LRP2: variants seen among roughly 807,000 people sequenced by gnomAD.
LRP2 encodes the protein LDL receptor related protein 2.
A neutral mutation model predicts 531.0 loss-of-function variants in LRP2; 172 were observed. That is an observed-to-expected ratio of 0.32 (90% CI 0.29 to 0.37). The LOEUF (loss-of-function observed/expected upper bound fraction) is 0.37. Ranked by LOEUF, LRP2 falls within the 10% of genes least tolerant of loss-of-function variation. The probability of loss-of-function intolerance (pLI) is 1.00; values close to 1 mark genes in which losing one functional copy is unlikely to be tolerated. For synonymous variants in LRP2, 1,992 were observed against 2,027.6 expected (o/e 0.98, Z 0.47); for missense variants, 5,167 against 5,868.3 (o/e 0.88, Z 3.90).
intron 10 of LRP2, among the ~76,000 whole-genome samples, chr2:169,282,308 C>T (rs1323931813): frequency 6.6e-6 from 1 of 152,150 alleles, no homozygotes; most frequent in African/African-American, 2.4e-5. Flanking sequence ...CTTTGGAGCC[C>T]TCATCTATTT....
At chr2:169,192,879 G>A (rs1218323069) in intron 47 of LRP2, among the ~76,000 whole-genome samples, 1 of 152,174 alleles carries the variant, frequency 6.6e-6, no homozygotes, top group Non-Finnish European at 1.5e-5. Flanking sequence ...CACCACCAAA[G>A]TCACAACACA....
chr2:169,128,589 A>T lies in LRP2; in HGVS notation c.*74T>A. The T allele has an allele frequency of 6.8e-7, 1 of 1,460,598 alleles. No homozygotes were observed. The allele number at this position is 1,460,598 out of a possible 1,614,324, so 90.5% of individuals were successfully genotyped here. On this transcript the variant is annotated 3_prime_UTR_variant, in exon 79 of 79. Transcript: ENST00000649046. ...TTTTTTCATAAAGTACTGAATGTTA[A>T]CTTTTTTCATCTGTTTGTAAAAAAT... is the stretch of plus-strand genomic sequence containing the variant.
intron 4 of LRP2, among the ~76,000 whole-genome samples, chr2:169,296,145 A>G (rs1207689261): frequency 6.6e-6 from 1 of 152,056 alleles, no homozygotes; most frequent in Non-Finnish European, 1.5e-5. Flanking sequence ...CTCTCCAATG[A>G]TCTTTTTTTT....
In LRP2 at chr2:169,140,517, G is replaced by C. The variant is rs140160600; in HGVS notation, c.13137C>G (p.Pro4379=). The change falls in exon 72 of 79, where the codon CCC becomes CCG. Residue 4379 remains proline, a synonymous_variant. Coordinates refer to ENST00000649046, the MANE Select transcript of LRP2 (RefSeq NM_004525.3). ...AAIELPINLP[P]PCRCMHGGNC... ...TTCCTCCGTGCATGCACCTGCATGG[G>C]GGGGGCAGGTTGATAGGCAGTTCGA... 2.4e-5 allele frequency: 39 copies of C among 1,613,808 alleles called. No individual in the cohort carries two copies. The highest frequency in any genetic ancestry group is 1.8e-4 in the Admixed American group (11 of 60,006).
chr2:169,352,190 A>G (rs918330967), intron 1 of LRP2, among the ~76,000 whole-genome samples: 5 of 152,186 alleles, frequency 3.3e-5, no homozygotes, highest in African/African-American at 9.6e-5. Context: ...AATGAATCCA[A>G]CGTTCTTAGG....
intron 4 of LRP2, among the ~76,000 whole-genome samples, chr2:169,298,796 G>A (rs1427804797): frequency 6.6e-6 from 1 of 151,598 alleles, no homozygotes; most frequent in African/African-American, 2.4e-5. Flanking sequence ...GGAGTACCAG[G>A]ACAAACAGGA....
Position 169,246,950 on chromosome 2 carries a change from C to T in LRP2, c.2945G>A (p.Gly982Asp). The T allele has an allele frequency of 5.0e-6, 8 of 1,614,174 alleles. No homozygotes were observed. The highest frequency in any genetic ancestry group is 6.8e-6 in the Non-Finnish European group (8 of 1,180,028). The change falls in exon 21 of 79, where the codon GGT (glycine) becomes GAT (aspartate). Residue 982 changes from glycine (G) to aspartate (D), a missense_variant. By Grantham distance (94) the Gly-to-Asp change is moderately conservative. Coordinates refer to ENST00000649046, the MANE Select transcript of LRP2 (RefSeq NM_004525.3). ...NACNQPTHPN[G>D]DCSHFCFPVP... Reference sequence around the variant, plus strand: ...CGGGAAGCAGAAGTGGCTGCAGTCACCGTTAGGATGCGTGGGTTGATTACA... The same window carrying T: ...CGGGAAGCAGAAGTGGCTGCAGTCATCGTTAGGATGCGTGGGTTGATTACA...
chr2:169,246,622 A>G (rs903807742), intron 21 of LRP2, 83 bp downstream of exon 21: 2 of 1,496,618 alleles, frequency 1.3e-6, no homozygotes, highest in African/African-American at 2.8e-5. Context: ...CCATATAAAT[A>G]GCCCAAGCTT....
intron 35 of LRP2, among the ~76,000 whole-genome samples, chr2:169,214,868 G>A (rs1688721472): frequency 2.6e-5 from 4 of 152,220 alleles, no homozygotes; most frequent in Admixed American, 2.6e-4. Flanking sequence ...AGGTTGCTCA[G>A]AATGGTGGAG....
intron 26 of LRP2, 54 bp downstream of exon 26, chr2:169,239,473 A>T: frequency 6.2e-7 from 1 of 1,613,528 alleles, no homozygotes; most frequent in Non-Finnish European, 8.5e-7. Context: ...GTGCCATTTG[A>T]TTTTAAGCTC....
rs755245156 is a variant in LRP2, at chr2:169,128,748, C to G, written c.13883G>C (p.Arg4628Thr). Residue 4628 changes from arginine (R) to threonine (T), a missense_variant, in exon 79 of 79, where the codon AGA becomes ACA. Transcript: ENST00000649046. The stretch of plus-strand genomic sequence containing the variant: ...AGAATAGGTTGGAGTTGGGTCTCTT[C>G]TCGAAGGAGGCTTAGGCTTAGCAGG... ...SLPAKPKPPS[R>T]RDPTPTYSAT... 2 of 1,614,098 alleles carry G rather than the reference C, an allele frequency of 1.2e-6. No homozygotes were observed. The highest frequency in any genetic ancestry group is 2.2e-5 in the South Asian group (2 of 91,084).
chr2:169,145,625 C>T (rs913772638), intron 70 of LRP2, 122 bp downstream of exon 70: 1 of 930,660 alleles, frequency 1.1e-6, no homozygotes, highest in South Asian at 1.3e-5. Flanking sequence ...CACATATACC[C>T]CTTTCATGCA....
At chr2:169,262,789 T>C (rs1690621082) in intron 16 of LRP2, among the ~76,000 whole-genome samples, 2 of 151,642 alleles carry the variant, frequency 1.3e-5, no homozygotes, top group South Asian at 4.2e-4. Flanking sequence ...CATCGCCAAG[T>C]CAATCCTAAG....
At chr2:169,295,865 A>G (rs1684123349) in intron 4 of LRP2, among the ~76,000 whole-genome samples, 1 of 152,104 alleles carries the variant, frequency 6.6e-6, no homozygotes, top group South Asian at 2.1e-4. Flanking sequence ...TGGTCTGACC[A>G]TCTTCTTCAT....
chr2:169,325,723 C>A (rs572975116), intron 1 of LRP2, among the ~76,000 whole-genome samples: 6 of 152,128 alleles, frequency 3.9e-5, no homozygotes, highest in Non-Finnish European at 7.4e-5. Flanking sequence ...AACCAACCTG[C>A]TAGTCTCTTT....
chr2:169,274,378 G>C (rs912264542), intron 14 of LRP2, among the ~76,000 whole-genome samples: 1 of 152,138 alleles, frequency 6.6e-6, no homozygotes, highest in East Asian at 1.9e-4. Context: ...GAAGCCCGGA[G>C]TTCCAGAAAA....
chr2:169,216,634 G>A (rs1389168793), intron 34 of LRP2, among the ~76,000 whole-genome samples: 2 of 152,168 alleles, frequency 1.3e-5, no homozygotes, highest in Middle Eastern at 3.2e-3. Flanking sequence ...GCTATAACTG[G>A]AGTAGAGGCC....
At chr2:169,279,994 T>C (rs924298161) in intron 11 of LRP2, among the ~76,000 whole-genome samples, 2 of 152,352 alleles carry the variant, frequency 1.3e-5, no homozygotes, top group African/African-American at 4.8e-5. Context: ...AATCTGATTT[T>C]TATCATCCAG....
chr2:169,283,034 G>T (rs1384511388), intron 9 of LRP2, 33 bp from the exon 10 acceptor site: 3 of 1,612,078 alleles, frequency 1.9e-6, no homozygotes, highest in African/African-American at 1.3e-5. Context: ...TTGTAGTCAA[G>T]GTTATCAGCA....
Sources: allele counts gnomAD v4.1 joint callset (sites outside exome capture counted in the v4.1 genomes callset), GRCh38; gene constraint gnomAD v4.1.1; transcripts MANE v1.5; gene names NCBI Gene and HGNC (gene_info 2026-07-23, HGNC 2026-07-21).